The following GK5 variants were observed in gnomAD, a reference collection of about 807,000 sequenced individuals.
GK5 encodes the protein glycerol kinase 5.
Under a neutral mutation model 77.3 loss-of-function variants are expected in GK5, and 39 were observed. The ratio of observed to expected loss-of-function variants is 0.50; its 90% CI spans 0.39 to 0.66. The LOEUF (loss-of-function observed/expected upper bound fraction) is 0.66. Ranked by LOEUF, GK5 falls within the 30% of genes least tolerant of loss-of-function variation. GK5 has a pLI of 0.00. For missense variants in GK5, 487 were observed against 633.8 expected, an observed-to-expected ratio of 0.77 and a Z score of 2.49; for synonymous variants, 211 against 208.0, an observed-to-expected ratio of 1.01 and a Z score of -0.13.
At chr3:142,204,846 A>G in intron 3 of GK5, 58 bp from the exon 4 acceptor site, 1 of 976,484 alleles carries the variant, frequency 1.0e-6, no homozygotes, top group South Asian at 1.5e-5. Flanking sequence ...TATGTTAAAG[A>G]TGTGCCATAA....
rs532253004 is a variant in GK5, at chr3:142,159,145, G to A, written c.*6477C>T. On this transcript the variant is annotated 3_prime_UTR_variant, in exon 16 of 16. Transcript: ENST00000392993. ...ATCCTCCTGCCTCAATTGGCAAATG[G>A]GCAAAAGATATGAACAGATATTTCA... The A allele has an allele frequency of 6.6e-6, 1 of 152,062 alleles. No individual in the cohort carries two copies. The highest frequency in any genetic ancestry group is 1.5e-5 in the Non-Finnish European group (1 of 68,028). 9.4% of individuals were successfully genotyped at this position (152,062 alleles called of 1,614,324 possible).
intron 9 of GK5, chr3:142,183,636 A>G (rs1241127571): frequency 2.0e-5 from 3 of 152,082 alleles, no homozygotes; most frequent in African/African-American, 7.3e-5. Context: ...ACGCCAAGCT[A>G]ATTTTTGTAT....
chr3:142,220,449 T>C (rs2064327051), intron 1 of GK5, among the ~76,000 whole-genome samples: 1 of 152,174 alleles, frequency 6.6e-6, no homozygotes, highest in Admixed American at 6.5e-5. Flanking sequence ...ATGTTTTTAA[T>C]ACGAACAGTG....
chr3:142,171,300 C>A, intron 14 of GK5, 119 bp downstream of exon 14: 2 of 927,954 alleles, frequency 2.2e-6, no homozygotes, highest in Non-Finnish European at 3.0e-6. Flanking sequence ...TTTTTGAAAT[C>A]CTCAATAATC....
intron 11 of GK5, among the ~76,000 whole-genome samples, chr3:142,177,857 C>CTTTT (rs370889965): frequency 7.8e-6 from 1 of 128,192 alleles, no homozygotes; most frequent in Non-Finnish European, 1.6e-5. Context: ...CGTTTTTTTT[C>CTTTT]TTTTTTTTTT....
At position 142,165,746 on chromosome 3, in the gene GK5, A is replaced by C; in HGVS notation, c.1466T>G (p.Leu489Arg). ...AVGFWTDKEE[L>R]KKLRQSEVVF... The stretch of plus-strand genomic sequence containing the variant: ...CACTTCACTTTGTCTCAGTTTCTTT[A>C]GTTCCTCCTTGTCAGTCCAAAACCC... The change falls in exon 16 of 16, where the codon CTA (leucine) becomes CGA (arginine). Residue 489 changes from leucine (L) to arginine (R), a missense_variant. Around this residue, in one of 4 missense-constraint regions of GK5, gnomAD observed 65 missense variants for 89.9 expected, o/e 0.72. Coordinates refer to ENST00000392993, the MANE Select transcript of GK5 (RefSeq NM_001039547.3). The C allele has an allele frequency of 6.2e-7, 1 of 1,612,216 alleles. No individual in the cohort carries two copies. Among genetic ancestry groups the C allele is most frequent in the Non-Finnish European group, 8.5e-7 (1 of 1,179,086 alleles).
intron 4 of GK5, among the ~76,000 whole-genome samples, chr3:142,200,281 C>T (rs1344134316): frequency 6.6e-6 from 1 of 152,032 alleles, no homozygotes; most frequent in African/African-American, 2.4e-5. Context: ...CAATTCTCCT[C>T]CCTTAGCCTC....
At chr3:142,181,320 T>G in intron 11 of GK5, 141 bp downstream of exon 11, 1 of 510,866 alleles carries the variant, frequency 2.0e-6, no homozygotes, top group East Asian at 3.2e-5. Flanking sequence ...ATAAAAATAC[T>G]TTATATTTTC....
chr3:142,160,873 C>T lies in GK5; in HGVS notation c.*4749G>A, dbSNP rs1307759579. ...AGCTGGGACTACAGGGGCATACCAC[C>T]ACACCTGGCTAATTTAAAAAAAATT... On this transcript the variant is annotated 3_prime_UTR_variant, in exon 16 of 16. Transcript: ENST00000392993. The T allele has an allele frequency of 6.6e-6, 1 of 152,094 alleles. No homozygotes were observed. Among genetic ancestry groups the T allele is most frequent in the African/African-American group, 2.4e-5 (1 of 41,406 alleles). 9.4% of individuals were successfully genotyped at this position (152,094 alleles called of 1,614,324 possible).
chr3:142,157,729 A>T lies in GK5; in HGVS notation c.*7893T>A, dbSNP rs920648728. On this transcript the variant is annotated 3_prime_UTR_variant, in exon 16 of 16. Coordinates refer to ENST00000392993, the MANE Select transcript of GK5 (RefSeq NM_001039547.3). ...TTTTAAAATACAGTATATTTTCACA[A>T]CAAATTTTATTTTCCCCACAACAAA... is the stretch of plus-strand genomic sequence containing the variant. 6.6e-6 allele frequency: 1 copy of T among 151,052 alleles called. No homozygotes were observed. Among genetic ancestry groups the T allele is most frequent in the Non-Finnish European group, 1.5e-5 (1 of 67,262 alleles). 9.4% of individuals were successfully genotyped at this position (151,052 alleles called of 1,614,324 possible). A position where few individuals can be genotyped will look rare whatever the true frequency, so the allele number is the denominator to read the frequency against.
Position 142,173,122 on chromosome 3 carries a change from G to A in GK5, c.1144-666C>T, listed in dbSNP as rs1288845518. 9 of 405,734 alleles carry A rather than the reference G, an allele frequency of 2.2e-5. No homozygotes were observed. The East Asian group carries it at 5.7e-4, about 26-fold the overall frequency. 25.1% of individuals were successfully genotyped at this position (405,734 alleles called of 1,614,324 possible). A position where few individuals can be genotyped will look rare whatever the true frequency, so the allele number is the denominator to read the frequency against. ...AGGCTGAGGTGGAAGGATTGCTTGT[G>A]CCCAGGGGTTTGAGGCTGCAATGAG... On this transcript the variant is annotated intron_variant, in intron 12 of 15. Transcript: ENST00000392993.
At chr3:142,170,079 G>A in intron 15 of GK5, 1 of 554,964 alleles carries the variant, frequency 1.8e-6, no homozygotes, top group South Asian at 2.0e-5. Context: ...TGACGCAGCT[G>A]AGAATTAACT....
intron 5 of GK5, among the ~76,000 whole-genome samples, chr3:142,193,504 A>G (rs901622729): frequency 6.6e-6 from 1 of 151,934 alleles, no homozygotes; most frequent in Admixed American, 6.6e-5. Context: ...AAACAAAAAA[A>G]AAAGCAGAAA....
At chr3:142,209,967 A>G (rs2064170357) in intron 3 of GK5, among the ~76,000 whole-genome samples, 1 of 151,848 alleles carries the variant, frequency 6.6e-6, no homozygotes, top group African/African-American at 2.4e-5. Context: ...TTTTTTTAGA[A>G]CAAAAGGAAT....
At chr3:142,183,403 C>T (rs1177655879) in intron 9 of GK5, 2 of 162,570 alleles carry the variant, frequency 1.2e-5, no homozygotes, top group East Asian at 3.6e-4. Flanking sequence ...AAGTGATCCT[C>T]CCACCTCAGC....
At chr3:142,192,204 A>T (rs551465635) in intron 5 of GK5, among the ~76,000 whole-genome samples, 1 of 152,328 alleles carries the variant, frequency 6.6e-6, no homozygotes, top group South Asian at 2.1e-4. Flanking sequence ...CAAAGCACTG[A>T]CAACAGCAAA....
intron 3 of GK5, among the ~76,000 whole-genome samples, chr3:142,205,643 C>T (rs1464241519): frequency 3.9e-5 from 6 of 152,140 alleles, no homozygotes; most frequent in South Asian, 2.1e-4. Context: ...CCTTTTCTTC[C>T]GACCAACCAC....
At chr3:142,218,435 G>A (rs958724621) in intron 1 of GK5, among the ~76,000 whole-genome samples, 2 of 148,772 alleles carry the variant, frequency 1.3e-5, no homozygotes, top group African/African-American at 2.5e-5. Context: ...CCAGCTACTC[G>A]TGAGGCTGAG....
rs2063411427 is a variant in GK5, at chr3:142,159,843, C to CTTTTTTTTTTTTTTTT, written c.*5778_*5779insAAAAAAAAAAAAAAAA. ...TGTTTGGGGCTTTCTCTCTCTCTCT[C>CTTTTTTTTTTTTTTTT]TCTCTCTCTCTTTTTTTTTTTTGAG... On this transcript the variant is annotated 3_prime_UTR_variant, in exon 16 of 16. Transcript: ENST00000392993. 9.0e-6 allele frequency: 1 copy of CTTTTTTTTTTTTTTTT among 111,394 alleles called. No homozygotes were observed. The highest frequency in any genetic ancestry group is 3.9e-5 in the African/African-American group (1 of 25,566). The allele number at this position is 111,394 out of a possible 1,614,324, so 6.9% of individuals were successfully genotyped here.
Sources: allele counts gnomAD v4.1 joint callset (sites outside exome capture counted in the v4.1 genomes callset), GRCh38; gene constraint gnomAD v4.1.1; regional missense constraint gnomAD v4.1.1; transcripts MANE v1.5; gene names NCBI Gene and HGNC (gene_info 2026-07-23, HGNC 2026-07-21).